Variants in SPTBN4 observed in about 807,000 individuals in gnomAD.
The protein encoded by SPTBN4 is spectrin beta, non-erythrocytic 4, also known as spectrin beta chain, non-erythrocytic 4.
In SPTBN4, 96 loss-of-function variants were observed where a neutral mutation model predicts 277.8. The ratio of observed to expected loss-of-function variants is 0.35; its 90% CI spans 0.29 to 0.41. SPTBN4 has a LOEUF of 0.41. Among genes scored for constraint, SPTBN4 ranks in the 10% least tolerant of loss-of-function variants. The pLI is 1.00. For missense variants in SPTBN4, 3,006 were observed against 3,595.7 expected (o/e 0.84, Z 4.19); for synonymous variants, 1,481 against 1,580.3 (o/e 0.94, Z 1.49).
chr19:40,532,853 G>A, intron 19 of SPTBN4, 82 bp downstream of exon 19: 1 of 1,476,066 alleles, frequency 6.8e-7, no homozygotes, highest in Non-Finnish European at 9.0e-7. Context: ...TGCACCCGCT[G>A]CTGCCATCCT....
intron 2 of SPTBN4, among the ~76,000 whole-genome samples, chr19:40,479,293 A>G (rs775364780): frequency 1.2e-4 from 19 of 152,062 alleles, no homozygotes; most frequent in Admixed American, 2.0e-4. Context: ...GTCTCTATCA[A>G]TGTTTTCAAC....
In SPTBN4 at chr19:40,575,474, C is replaced by A; in HGVS notation, c.7600C>A (p.Arg2534Ser). The A allele has an allele frequency of 1.2e-6, 2 of 1,613,224 alleles. No homozygotes were observed. The highest frequency in any genetic ancestry group is 1.7e-6 in the Non-Finnish European group (2 of 1,179,804). Reference sequence around the variant, plus strand: ...GGTGGCGGAACACGCAGAGATCGCCCGCTGGGGCCAGACACTACCCACTAC... The same window carrying A: ...GGTGGCGGAACACGCAGAGATCGCCAGCTGGGGCCAGACACTACCCACTAC... Reference protein sequence around the residue: ...SSVAEHAEIARWGQTLPTTSS... With the variant: ...SSVAEHAEIASWGQTLPTTSS... The change falls in exon 36 of 36, where the codon CGC (arginine) becomes AGC (serine). Residue 2534 changes from arginine to serine, a missense_variant. Around this residue, in one of 5 missense-constraint regions of SPTBN4, gnomAD observed 630 missense variants for 677.6 expected, o/e 0.93. Transcript: ENST00000598249.
In SPTBN4 at chr19:40,573,601, C is replaced by T. The variant is rs369599577; in HGVS notation, c.7536+1221C>T. Among the ~76,000 whole-genome samples the T allele has an allele frequency of 2.2e-4, 33 of 152,278 alleles. No homozygotes were observed. The East Asian group carries it at 5.4e-3, about 25-fold the overall frequency. On this transcript the variant is annotated intron_variant, in intron 35 of 35. Transcript: ENST00000598249. ...ATCCCAGCACTTCGGGAGGCCGAGG[C>T]GGGTGGATCACCTGAGGTCAGGAGT... is the stretch of plus-strand genomic sequence containing the variant.
At chr19:40,470,384 C>G (rs1168098748) in intron 1 of SPTBN4, among the ~76,000 whole-genome samples, 1 of 152,058 alleles carries the variant, frequency 6.6e-6, no homozygotes, top group Admixed American at 6.6e-5. Flanking sequence ...TGGCTCACTG[C>G]AACCTCTGCC....
chr19:40,527,396 T>C (rs1401354309), intron 17 of SPTBN4, among the ~76,000 whole-genome samples: 1 of 152,170 alleles, frequency 6.6e-6, no homozygotes, highest in Non-Finnish European at 1.5e-5. Context: ...GACACATCTA[T>C]GAACAAAACA....
chr19:40,473,460 C>T (rs780476994), intron 2 of SPTBN4, among the ~76,000 whole-genome samples: 5 of 149,484 alleles, frequency 3.3e-5, no homozygotes, highest in Non-Finnish European at 7.4e-5. Flanking sequence ...CAGGTTCAAG[C>T]GATTCTCCTG....
intron 22 of SPTBN4, among the ~76,000 whole-genome samples, chr19:40,551,238 G>A (rs1338849387): frequency 2.0e-5 from 3 of 152,058 alleles, no homozygotes; most frequent in African/African-American, 7.2e-5. Context: ...ACAAAACATC[G>A]AGTTAGCCTG....
In SPTBN4 at chr19:40,513,092, G is replaced by A; in HGVS notation, c.2303G>A (p.Arg768Gln). ...LEEAAARRER[R>Q]LQEARALHQF... ...GAGGCGGCGGCGCGGCGAGAGCGGC[G>A]GCTGCAGGAGGCGCGGGCGCTGCAC... is the stretch of plus-strand genomic sequence containing the variant. The change falls in exon 14 of 36, where the codon CGG becomes CAG. Residue 768 changes from arginine (R) to glutamine (Q), a missense_variant. This residue lies in a region of SPTBN4 where 1,759 missense variants were observed against 2,061.5 expected (regional missense o/e 0.85). Coordinates refer to ENST00000598249, the MANE Select transcript of SPTBN4 (RefSeq NM_020971.3). 1 of 1,420,248 alleles carries A rather than the reference G, an allele frequency of 7.0e-7. No homozygotes were observed. The highest frequency in any genetic ancestry group is 9.1e-7 in the Non-Finnish European group (1 of 1,094,430). 88.0% of individuals were successfully genotyped at this position (1,420,248 alleles called of 1,614,324 possible).
Position 40,514,598 on chromosome 19 carries a change from G to T in SPTBN4, c.2766-713G>T, listed in dbSNP as rs1209837902. Among the ~76,000 whole-genome samples the T allele has an allele frequency of 4.6e-5, 7 of 152,178 alleles. No homozygotes were observed. In the East Asian group the frequency reaches 1.2e-3, roughly 25 times the overall value. On this transcript the variant is annotated intron_variant, in intron 14 of 35. Transcript: ENST00000598249. ...AGGAAGAACAAATTTGAGTCAGGTG[G>T]GTGTGAATAGCCCCAAGAAGGTATA...
At chr19:40,474,908 A>T (rs1599706856) in intron 2 of SPTBN4, among the ~76,000 whole-genome samples, 1 of 151,842 alleles carries the variant, frequency 6.6e-6, no homozygotes, top group East Asian at 1.9e-4. Flanking sequence ...AAAACAAAAA[A>T]ATTTTTTTGT....
chr19:40,523,480 C>T lies in SPTBN4; in HGVS notation c.3698C>T (p.Ser1233Leu), dbSNP rs771588563. 5.0e-6 allele frequency: 8 copies of T among 1,612,836 alleles called. No individual in the cohort carries two copies. Among genetic ancestry groups the T allele is most frequent in the South Asian group, 4.4e-5 (4 of 90,752 alleles). ...SGAELPGTVE[S>L]VEEALKQHRD... ...GCGGAGCTCCCGGGCACAGTGGAAT[C>T]GGTGGAGGAGGCCTTGAAACAGCAC... is the stretch of plus-strand genomic sequence containing the variant. Residue 1233 changes from serine (S) to leucine (L), a missense_variant, in exon 17 of 36, where the codon TCG (serine) becomes TTG (leucine). Physicochemically the swap from Ser to Leu is moderately radical, Grantham distance 145. Transcript: ENST00000598249.
Position 40,519,904 on chromosome 19 carries a change from A to G in SPTBN4, c.3407A>G (p.Lys1136Arg), listed in dbSNP as rs2080506091. ...CTGCTGGCGCGCCACGCTGCGCTCA[A>G]GGAGGAGGTGGACCAGCGCGAGGAA... ...DALLARHAAL[K>R]EEVDQREEDY... Residue 1136 changes from lysine to arginine, a missense_variant, in exon 16 of 36, where the codon AAG becomes AGG. Coordinates refer to ENST00000598249, the MANE Select transcript of SPTBN4 (RefSeq NM_020971.3). The surrounding 1 kb of genome is among the most constrained non-coding windows in gnomAD (Gnocchi z 5.7). The G allele has an allele frequency of 6.5e-7, 1 of 1,545,104 alleles. No homozygotes were observed. Among genetic ancestry groups the G allele is most frequent in the Non-Finnish European group, 8.7e-7 (1 of 1,153,970 alleles).
intron 4 of SPTBN4, among the ~76,000 whole-genome samples, chr19:40,491,135 T>A (rs2080131297): frequency 1.3e-5 from 2 of 152,114 alleles, no homozygotes; most frequent in Admixed American, 1.3e-4. Flanking sequence ...ATTTTAGATA[T>A]GGTGGTCAGA....
At chr19:40,559,024 CG>C (rs1478789117) in intron 26 of SPTBN4, among the ~76,000 whole-genome samples, 5 of 151,234 alleles carry the variant, frequency 3.3e-5, no homozygotes, top group Admixed American at 3.3e-4. Flanking sequence ...CTCTGCTTCC[CG>C]GGTTCAAGCA....
At chr19:40,484,040 C>T (rs1285104331) in intron 2 of SPTBN4, among the ~76,000 whole-genome samples, 2 of 152,036 alleles carry the variant, frequency 1.3e-5, no homozygotes, top group Non-Finnish European at 2.9e-5. Context: ...TCTTACATCA[C>T]CGCACTCCAG....
In SPTBN4 at chr19:40,490,407, C is replaced by G. The variant is rs976806501; in HGVS notation, c.495+159C>G. ...AAAATAATGATAAAAATAATTGTCA[C>G]GATCACCACCATCACGATAATCATT... On this transcript the variant is annotated intron_variant, in intron 4 of 35. Coordinates refer to ENST00000598249, the MANE Select transcript of SPTBN4 (RefSeq NM_020971.3). The surrounding 1 kb of genome is among the most constrained non-coding windows in gnomAD (Gnocchi z 4.3). Among the ~76,000 whole-genome samples the G allele has an allele frequency of 1.3e-5, 2 of 152,208 alleles. No homozygotes were observed. The highest frequency in any genetic ancestry group is 1.3e-4 in the Admixed American group (2 of 15,278).
intron 22 of SPTBN4, among the ~76,000 whole-genome samples, chr19:40,550,720 GGTTGGCC>G (rs1029591623): frequency 1.8e-4 from 28 of 152,054 alleles, no homozygotes; most frequent in Middle Eastern, 3.4e-3. Flanking sequence ...TGTTTCACCA[GGTTGGCC>G]AGGCTGGGCT....
In SPTBN4 at chr19:40,549,422, A is replaced by C. The variant is rs982635720; in HGVS notation, c.4584+9A>C. The C allele has an allele frequency of 7.6e-6, 6 of 793,000 alleles. No individual in the cohort carries two copies. Among genetic ancestry groups the C allele is most frequent in the Non-Finnish European group, 9.9e-6 (6 of 605,882 alleles). The allele number at this position is 793,000 out of a possible 1,614,324, so 49.1% of individuals were successfully genotyped here. ...ACCTGGACGACGAGCTGGTGAGGCC[A>C]GCGCAGGGGCCTGGGGCGGGGCGGG... On this transcript the variant is annotated intron_variant, in intron 21 of 35. Transcript: ENST00000598249.
Position 40,490,362 on chromosome 19 carries a change from T to TA in SPTBN4, c.495+115dup. 2.4e-6 allele frequency: 3 copies of TA among 1,251,140 alleles called. No individual in the cohort carries two copies. Among genetic ancestry groups the TA allele is most frequent in the Non-Finnish European group, 3.3e-6 (3 of 914,086 alleles). The allele number at this position is 1,251,140 out of a possible 1,614,324, so 77.5% of individuals were successfully genotyped here. ...ATAATATCCTAATATGCTGGAATCCTATTCCAGGTGTTAGGGATGAAAATA... is the reference window on the plus strand; with the variant it reads ...ATAATATCCTAATATGCTGGAATCCTAATTCCAGGTGTTAGGGATGAAAATA... On this transcript the variant is annotated intron_variant, in intron 4 of 35. Transcript: ENST00000598249. The surrounding 1 kb of genome is among the most constrained non-coding windows in gnomAD (Gnocchi z 4.3).
Sources: allele counts gnomAD v4.1 joint callset (sites outside exome capture counted in the v4.1 genomes callset), GRCh38; gene constraint gnomAD v4.1.1; regional missense constraint gnomAD v4.1.1; non-coding constraint Gnocchi (gnomAD v3.1); transcripts MANE v1.5; gene names NCBI Gene and HGNC (gene_info 2026-07-23, HGNC 2026-07-21).